Variants in TRPC1 observed in about 807,000 individuals in gnomAD.
TRPC1 encodes short transient receptor potential channel 1.
In TRPC1, 42 loss-of-function variants were observed where a neutral mutation model predicts 88.2. The ratio of observed to expected loss-of-function variants is 0.48; its 90% confidence interval spans 0.37 to 0.62. TRPC1 has a LOEUF of 0.62. TRPC1 is among the 20% of genes least tolerant of loss of function. TRPC1 has a pLI of 0.00. For synonymous variants in TRPC1, 288 were observed against 331.8 expected (o/e 0.87, Z 1.43); for missense variants, 699 against 957.3 (o/e 0.73, Z 3.56).
intron 9 of TRPC1, among the ~76,000 whole-genome samples, chr3:142,795,094 A>C (rs1936411786): frequency 6.6e-6 from 1 of 152,112 alleles, no homozygotes; most frequent in Non-Finnish European, 1.5e-5. Context: ...GGATGTGATT[A>C]ATGACAGGTT....
intron 4 of TRPC1, among the ~76,000 whole-genome samples, chr3:142,761,329 A>G (rs1018162649): frequency 2.6e-5 from 4 of 152,086 alleles, no homozygotes; most frequent in Non-Finnish European, 4.4e-5. Flanking sequence ...TGAAATAATC[A>G]TATGGTTTTT....
At chr3:142,748,173 C>T in intron 3 of TRPC1, 85 bp from the exon 4 acceptor site, 1 of 1,231,990 alleles carries the variant, frequency 8.1e-7, no homozygotes, top group Non-Finnish European at 1.1e-6. Context: ...TTGTGCCTTC[C>T]TATTTTTTCA....
At chr3:142,726,911 A>C (rs982728339) in intron 1 of TRPC1, among the ~76,000 whole-genome samples, 2 of 152,180 alleles carry the variant, frequency 1.3e-5, no homozygotes, top group African/African-American at 4.8e-5. Flanking sequence ...CATGAGCCAG[A>C]TCTGTTGTTG....
intron 7 of TRPC1, among the ~76,000 whole-genome samples, chr3:142,786,483 T>C (rs191581646): frequency 1.8e-3 from 274 of 152,288 alleles, no homozygotes; most frequent in African/African-American, 5.7e-3. Context: ...GATAAAATAA[T>C]ACACATCTAA....
rs1375572545 is a variant in TRPC1, at chr3:142,733,364, T to C, written c.173-3015T>C. ...ACATCTCTACTAAAAATACAAAAAT[T>C]AGCCGGGCGTGGTGGCAGCTGCCTG... On this transcript the variant is annotated intron_variant, in intron 1 of 12. Transcript: ENST00000476941. 2.6e-5 allele frequency among the ~76,000 whole-genome samples: 4 copies of C among 152,152 alleles called. No individual in the cohort carries two copies. In the South Asian group the frequency reaches 6.2e-4, roughly 24 times the overall value.
At chr3:142,726,706 T>A (rs1299293591) in intron 1 of TRPC1, among the ~76,000 whole-genome samples, 1 of 152,220 alleles carries the variant, frequency 6.6e-6, no homozygotes, top group African/African-American at 2.4e-5. Flanking sequence ...TACGTGTTTG[T>A]ATTCGCTAAT....
At chr3:142,777,533 T>G (rs1161106511) in intron 4 of TRPC1, 99 bp from the exon 5 acceptor site, 1 of 710,092 alleles carries the variant, frequency 1.4e-6, no homozygotes, top group African/African-American at 1.9e-5. Flanking sequence ...CTTTTAATTT[T>G]ATAATATTTT....
chr3:142,806,520 T>G lies in TRPC1; in HGVS notation c.*285T>G, dbSNP rs1298395769. 2 of 211,654 alleles carry G rather than the reference T, an allele frequency of 9.4e-6. No individual in the cohort carries two copies. Among genetic ancestry groups the G allele is most frequent in the African/African-American group, 4.7e-5 (2 of 42,970 alleles). 13.1% of individuals were successfully genotyped at this position (211,654 alleles called of 1,614,324 possible). A position where few individuals can be genotyped will look rare whatever the true frequency, so the allele number is the denominator to read the frequency against. ...TTACTTAGTGCTTTAAAATGTTTTT[T>G]TTTATGTTTAAGAGGGGCAGTTATA... On this transcript the variant is annotated 3_prime_UTR_variant, in exon 13 of 13. Transcript: ENST00000476941.
intron 6 of TRPC1, among the ~76,000 whole-genome samples, chr3:142,782,461 T>C (rs1382688): frequency 0.35 from 52,963 of 152,108 alleles, 12,700 homozygotes; most frequent in African/African-American, 0.69. Flanking sequence ...AGCAAACTAC[T>C]CTGAAACTTA....
At chr3:142,744,221 T>G (rs908643451) in intron 3 of TRPC1, among the ~76,000 whole-genome samples, 7 of 152,128 alleles carry the variant, frequency 4.6e-5, no homozygotes, top group African/African-American at 1.7e-4. Context: ...AGATACTAAT[T>G]TTAAACTTAC....
Position 142,807,046 on chromosome 3 carries a change from A to G in TRPC1, c.*811A>G, listed in dbSNP as rs1936815900. 6.6e-6 allele frequency: 1 copy of G among 151,514 alleles called. No homozygotes were observed. The highest frequency in any genetic ancestry group is 2.4e-5 in the African/African-American group (1 of 41,196). The allele number at this position is 151,514 out of a possible 1,614,324, so 9.4% of individuals were successfully genotyped here. On this transcript the variant is annotated 3_prime_UTR_variant, in exon 13 of 13. Coordinates refer to ENST00000476941, the MANE Select transcript of TRPC1 (RefSeq NM_001251845.2). ...TAAGTTTGCATAGCTACTTCTCGAC[A>G]TTTGGTTTGTTTTAATTTTTTTGTA...
At chr3:142,739,030 G>C (rs1341963328) in intron 2 of TRPC1, among the ~76,000 whole-genome samples, 1 of 152,058 alleles carries the variant, frequency 6.6e-6, no homozygotes, top group Non-Finnish European at 1.5e-5. Flanking sequence ...GGAGTGCAAT[G>C]GCGTGATCTC....
At chr3:142,770,729 T>C (rs531327101) in intron 4 of TRPC1, among the ~76,000 whole-genome samples, 1 of 152,360 alleles carries the variant, frequency 6.6e-6, no homozygotes, top group East Asian at 1.9e-4. Context: ...GTCTGCTTTT[T>C]GTTTCTTATG....
chr3:142,785,791 GC>G (rs1243977149), intron 7 of TRPC1, among the ~76,000 whole-genome samples: 3 of 152,118 alleles, frequency 2.0e-5, no homozygotes, highest in African/African-American at 7.2e-5. Context: ...GAGCCACCGT[GC>G]CCGGCCTAGA....
intron 1 of TRPC1, among the ~76,000 whole-genome samples, chr3:142,726,647 A>G (rs991819700): frequency 2.0e-5 from 3 of 152,212 alleles, no homozygotes; most frequent in Non-Finnish European, 4.4e-5. Context: ...CTTATGGGGT[A>G]CATTTACATT....
chr3:142,727,986 A>G (rs1217395550), intron 1 of TRPC1, among the ~76,000 whole-genome samples: 1 of 152,158 alleles, frequency 6.6e-6, no homozygotes, highest in Non-Finnish European at 1.5e-5. Flanking sequence ...TTCCTCTAAA[A>G]AAAAAAAACT....
intron 9 of TRPC1, among the ~76,000 whole-genome samples, chr3:142,797,477 G>A (rs1387417091): frequency 6.6e-6 from 1 of 152,214 alleles, no homozygotes; most frequent in East Asian, 1.9e-4. Flanking sequence ...GAGCTCTTGA[G>A]GGTCTATGCA....
rs1935443750 is a variant in TRPC1 at position 142,767,733 on chromosome 3, G to A, written c.633-9899G>A. ...TTAGCAGTCACTCTCCCAGCTGGTG[G>A]CAACTACTAAATCTACTTTCTGTCC... On this transcript the variant is annotated intron_variant, in intron 4 of 12. Coordinates refer to ENST00000476941, the MANE Select transcript of TRPC1 (RefSeq NM_001251845.2). This position sits in a 1 kb window ranked among gnomAD's most constrained non-coding sequence, Gnocchi z 5.1. Among the ~76,000 whole-genome samples the A allele has an allele frequency of 6.6e-6, 1 of 151,584 alleles. No homozygotes were observed. Among genetic ancestry groups the A allele is most frequent in the South Asian group, 2.1e-4 (1 of 4,822 alleles).
At chr3:142,796,700 A>G (rs1560118772) in intron 9 of TRPC1, among the ~76,000 whole-genome samples, 1 of 152,110 alleles carries the variant, frequency 6.6e-6, no homozygotes, top group Non-Finnish European at 1.5e-5. Flanking sequence ...CAAACAACAC[A>G]GTATCTGTGG....
Sources: gnomAD v4.1 joint callset for allele counts (sites outside exome capture counted in the v4.1 genomes callset) on GRCh38, gnomAD v4.1.1 for gene constraint, Gnocchi (gnomAD v3.1) non-coding constraint, MANE v1.5 for transcripts, NCBI Gene and HGNC (gene_info 2026-07-23, HGNC 2026-07-21) for gene names.